PLEKHA5: variants seen among roughly 807,000 people sequenced by gnomAD.
The protein encoded by PLEKHA5 is pleckstrin homology domain-containing family A member 5.
A neutral mutation model predicts 181.9 loss-of-function variants in PLEKHA5; 55 were observed. That is an observed-to-expected ratio of 0.30 (90% confidence interval 0.24 to 0.38). The LOEUF (loss-of-function observed/expected upper bound fraction) is 0.38, where lower values mean the gene tolerates loss of function less well. Among genes scored for constraint, PLEKHA5 ranks in the 10% least tolerant of loss-of-function variants. The pLI is 1.00. For missense variants in PLEKHA5, 1,432 were observed against 1,549.5 expected (o/e 0.92, Z 1.27); for synonymous variants, 535 against 529.4 (o/e 1.01, Z -0.15).
At chr12:19,236,734 G>A (rs1356702477) in intron 3 of PLEKHA5, among the ~76,000 whole-genome samples, 3 of 152,110 alleles carry the variant, frequency 2.0e-5, no homozygotes, top group Non-Finnish European at 2.9e-5. Context: ...AATTTTAAGG[G>A]AATTGAAATC....
intron 15 of PLEKHA5, among the ~76,000 whole-genome samples, chr12:19,309,362 GA>G (rs1182491810): frequency 8.7e-5 from 13 of 148,638 alleles, no homozygotes; most frequent in South Asian, 4.3e-4. Flanking sequence ...CCATCTTAAA[GA>G]AAAAAAAAAC....
intron 3 of PLEKHA5, among the ~76,000 whole-genome samples, chr12:19,197,179 T>C (rs1412875471): frequency 2.0e-5 from 3 of 152,164 alleles, no homozygotes; most frequent in Non-Finnish European, 2.9e-5. Flanking sequence ...CACCCTTTTC[T>C]CCTGACTTCT....
intron 31 of PLEKHA5, chr12:19,372,251 G>A (rs981996412): frequency 3.9e-5 from 6 of 152,090 alleles, no homozygotes; most frequent in African/African-American, 1.2e-4. Context: ...CGCCCACCTC[G>A]GCCTCCCAAA....
In PLEKHA5 at chr12:19,132,393, A is replaced by T; in HGVS notation, c.170A>T (p.Asp57Val). 1 of 1,479,180 alleles carries T rather than the reference A, an allele frequency of 6.8e-7. No homozygotes were observed. Among genetic ancestry groups the T allele is most frequent in the Non-Finnish European group, 9.4e-7 (1 of 1,066,468 alleles). The allele number at this position is 1,479,180 out of a possible 1,614,324, so 91.6% of individuals were successfully genotyped here. ...VVTGHRRQST[D>V]LPTGWEEAYT... ...AATTGTAATATATGTATTGTTTTAGATTTGCCTACTGGCTGGGAAGAAGCA... is the reference window on the plus strand; with the variant it reads ...AATTGTAATATATGTATTGTTTTAGTTTTGCCTACTGGCTGGGAAGAAGCA... The change falls in exon 3 of 32, where the codon GAT becomes GTT. Residue 57 changes from aspartate to valine, a missense_variant and splice_region_variant. Asp to Val is a radical substitution (Grantham distance 152). This residue lies in a region of PLEKHA5 where 289 missense variants were observed against 381.1 expected (regional missense o/e 0.76). Transcript: ENST00000429027.
intron 3 of PLEKHA5, chr12:19,200,312 T>A: frequency 1.3e-6 from 2 of 1,524,874 alleles, no homozygotes; most frequent in Non-Finnish European, 1.8e-6. Flanking sequence ...TTTTTTATCC[T>A]TTATCCTTCC....
At chr12:19,347,322 A>G (rs918109060) in intron 24 of PLEKHA5, 140 bp downstream of exon 24, 90 of 402,296 alleles carry the variant, frequency 2.2e-4, no homozygotes, top group Non-Finnish European at 3.4e-4. Context: ...TAGTTTATAT[A>G]TGACTTTATC....
At chr12:19,323,767 G>C (rs2091463438) in intron 20 of PLEKHA5, among the ~76,000 whole-genome samples, 1 of 145,400 alleles carries the variant, frequency 6.9e-6, no homozygotes, top group Non-Finnish European at 1.5e-5. Context: ...AGTGAGCCAA[G>C]ATCATGCCAT....
At position 19,290,793 on chromosome 12, in the gene PLEKHA5, A is replaced by T; in HGVS notation, c.1980A>T (p.Pro660=). 6.5e-7 allele frequency: 1 copy of T among 1,533,488 alleles called. No homozygotes were observed. Among genetic ancestry groups the T allele is most frequent in the Non-Finnish European group, 8.7e-7 (1 of 1,144,692 alleles). The allele number at this position is 1,533,488 out of a possible 1,614,324, so 95.0% of individuals were successfully genotyped here. A position where few individuals can be genotyped will look rare whatever the true frequency, so the allele number is the denominator to read the frequency against. Residue 660 remains proline, a synonymous_variant, in exon 14 of 32, where the codon CCA becomes CCT. Coordinates refer to ENST00000429027, the MANE Select transcript of PLEKHA5 (RefSeq NM_001256470.2). ...LMQLKLEAHS[P]KNEILSHHLQ... The stretch of plus-strand genomic sequence containing the variant: ...AGCTAAAGCTTGAGGCCCACAGCCC[A>T]AAGGTCAGCTATGGAGAGATTTGTC...
At chr12:19,147,440 G>A (rs1008027293) in intron 3 of PLEKHA5, among the ~76,000 whole-genome samples, 4 of 152,120 alleles carry the variant, frequency 2.6e-5, no homozygotes, top group Admixed American at 1.3e-4. Flanking sequence ...GTGTTGTAAC[G>A]TTAGGGACAC....
intron 3 of PLEKHA5, among the ~76,000 whole-genome samples, chr12:19,220,668 A>G (rs2058806668): frequency 6.6e-6 from 1 of 152,212 alleles, no homozygotes; most frequent in Non-Finnish European, 1.5e-5. Context: ...AGAAAACTGA[A>G]AAGTTGAGTC....
chr12:19,311,549 A>G (rs906593856), intron 15 of PLEKHA5, among the ~76,000 whole-genome samples: 5 of 152,150 alleles, frequency 3.3e-5, no homozygotes, highest in Admixed American at 6.5e-5. Flanking sequence ...GTTGTCAACA[A>G]TGTTCACAGT....
intron 3 of PLEKHA5, among the ~76,000 whole-genome samples, chr12:19,249,949 C>T (rs973386699): frequency 5.3e-5 from 8 of 152,192 alleles, no homozygotes; most frequent in African/African-American, 9.7e-5. Context: ...TTCCCACCCT[C>T]AGCACTGCTG....
intron 15 of PLEKHA5, among the ~76,000 whole-genome samples, chr12:19,292,051 T>C (rs1301956193): frequency 6.6e-6 from 1 of 152,194 alleles, no homozygotes. Flanking sequence ...AATTGTCTTG[T>C]TGGAAGGCAA....
At chr12:19,332,116 A>G (rs1400316285) in intron 20 of PLEKHA5, among the ~76,000 whole-genome samples, 2 of 151,910 alleles carry the variant, frequency 1.3e-5, no homozygotes, top group Non-Finnish European at 2.9e-5. Flanking sequence ...GAAACCCCAA[A>G]TTAAAAAATT....
At chr12:19,181,463 G>C (rs1413159669) in intron 3 of PLEKHA5, among the ~76,000 whole-genome samples, 2 of 152,164 alleles carry the variant, frequency 1.3e-5, no homozygotes, top group African/African-American at 4.8e-5. Flanking sequence ...GGCTGTATTG[G>C]TTATTTTGAT....
At chr12:19,234,150 G>A (rs1168699773) in intron 3 of PLEKHA5, among the ~76,000 whole-genome samples, 1 of 152,140 alleles carries the variant, frequency 6.6e-6, no homozygotes, top group Non-Finnish European at 1.5e-5. Context: ...TCTTAGATTT[G>A]CGCTTTTATA....
chr12:19,161,169 C>T (rs1458378877), intron 3 of PLEKHA5, among the ~76,000 whole-genome samples: 2 of 151,998 alleles, frequency 1.3e-5, no homozygotes, highest in African/African-American at 4.8e-5. Flanking sequence ...TAGAACAATT[C>T]TCTGAAGAAA....
At chr12:19,154,415 T>C (rs972808185) in intron 3 of PLEKHA5, 2 of 152,154 alleles carry the variant, frequency 1.3e-5, no homozygotes, top group Admixed American at 6.5e-5. Context: ...ATTTAAAAGG[T>C]ATATAGTTTT....
At chr12:19,152,153 A>G (rs919628477) in intron 3 of PLEKHA5, 3 of 152,190 alleles carry the variant, frequency 2.0e-5, no homozygotes, top group African/African-American at 4.8e-5. Flanking sequence ...GGCGTGAGCC[A>G]CCGCGCCCGG....
Sources: gnomAD v4.1 joint callset for allele counts (sites outside exome capture counted in the v4.1 genomes callset) on GRCh38, gnomAD v4.1.1 for gene constraint, gnomAD v4.1.1 regional missense constraint, MANE v1.5 for transcripts, NCBI Gene and HGNC (gene_info 2026-07-23, HGNC 2026-07-21) for gene names.